GNPNAT1: variants seen among roughly 807,000 people sequenced by gnomAD.
GNPNAT1 encodes glucosamine 6-phosphate N-acetyltransferase.
A neutral mutation model predicts 19.8 loss-of-function variants in GNPNAT1; 11 were observed. The observed-to-expected ratio is 0.56, with a 90% confidence interval of 0.35 to 0.92. The LOEUF (loss-of-function observed/expected upper bound fraction) is 0.92, where lower values mean the gene tolerates loss of function less well. GNPNAT1 is among the 40% of genes least tolerant of loss of function. The pLI, the probability that GNPNAT1 is intolerant of heterozygous loss-of-function variation, is 0.01. For synonymous variants in GNPNAT1, 71 were observed against 72.3 expected (o/e 0.98, Z 0.09); for missense variants, 157 against 211.0 (o/e 0.74, Z 1.59).
chr14:52,783,379 T>C (rs549281016), intron 3 of GNPNAT1, 44 bp downstream of exon 3: 1 of 1,305,758 alleles, frequency 7.7e-7, no homozygotes, highest in Admixed American at 1.9e-5. Context: ...AAAAATGAAA[T>C]CATGTTTCCC....
rs1882788132 is a variant in GNPNAT1, at chr14:52,778,276, G to C, written c.*35C>G. Reference sequence around the variant, plus strand: ...ACTCTAGGAAGAGTGTAGCCTTGTAGCATTAGCCCCTTTGACAATTTTCTT... The same window carrying C: ...ACTCTAGGAAGAGTGTAGCCTTGTACCATTAGCCCCTTTGACAATTTTCTT... On this transcript the variant is annotated 3_prime_UTR_variant, in exon 6 of 6. Transcript: ENST00000216410. 3.9e-6 allele frequency: 6 copies of C among 1,520,350 alleles called. No individual in the cohort carries two copies. The highest frequency in any genetic ancestry group is 5.3e-6 in the Non-Finnish European group (6 of 1,124,880). The allele number at this position is 1,520,350 out of a possible 1,614,324, so 94.2% of individuals were successfully genotyped here. A position where few individuals can be genotyped will look rare whatever the true frequency, so the allele number is the denominator to read the frequency against.
At position 52,781,880 on chromosome 14, in the gene GNPNAT1, ATCCC is replaced by A; in HGVS notation, c.245_248del (p.Gly82ValfsTer7). 4.4e-6 allele frequency: 7 copies of A among 1,608,702 alleles called. No individual in the cohort carries two copies. The highest frequency in any genetic ancestry group is 4.2e-6 in the Non-Finnish European group (5 of 1,177,860). On this transcript the variant is annotated frameshift_variant, in exon 4 of 6. Coordinates refer to ENST00000216410, the MANE Select transcript of GNPNAT1 (RefSeq NM_198066.4). LOFTEE classifies it high-confidence loss of function. Reference sequence around the variant, plus strand: ...CATCTTCTACAACTGTAACATAATAATCCCCAGATTTCTTCATATGCTCAAAAGA... The same window carrying A: ...CATCTTCTACAACTGTAACATAATAACAGATTTCTTCATATGCTCAAAAGA...
At position 52,786,487 on chromosome 14, in the gene GNPNAT1, A is replaced by G. The variant is rs537741166; in HGVS notation, c.-14-1823T>C. ...CCATTGCGTTCCAGCCTGGGCAACA[A>G]GAGTGAAACTCCGTCTCAAAAAAAT... On this transcript the variant is annotated intron_variant, in intron 1 of 5. Transcript: ENST00000216410. 2.6e-5 allele frequency among the ~76,000 whole-genome samples: 4 copies of G among 152,108 alleles called. No homozygotes were observed. The East Asian group carries it at 5.9e-4, about 22-fold the overall frequency.
In GNPNAT1 at chr14:52,784,378, C is replaced by CT. The variant is rs372004794; in HGVS notation, c.154+118dup. ...TATTGAGTGTCCATCACTTTAAAAA[C>CT]TAAGTATTATACAAAAAATAGTCCA... On this transcript the variant is annotated intron_variant, in intron 2 of 5. Transcript: ENST00000216410. The CT allele has an allele frequency of 5.7e-4, 392 of 688,618 alleles. 6 individuals are homozygous for CT. In the East Asian group the frequency reaches 9.5e-3, roughly 17 times the overall value. The allele number at this position is 688,618 out of a possible 1,614,324, so 42.7% of individuals were successfully genotyped here. A position where few individuals can be genotyped will look rare whatever the true frequency, so the allele number is the denominator to read the frequency against.
intron 4 of GNPNAT1, 145 bp downstream of exon 4, chr14:52,781,639 C>T: frequency 1.5e-6 from 1 of 673,690 alleles, no homozygotes; most frequent in Non-Finnish European, 2.4e-6. Context: ...TATACATTTT[C>T]TTTCTTAAAG....
At position 52,783,464 on chromosome 14, in the gene GNPNAT1, T is replaced by C; in HGVS notation, c.176A>G (p.Gln59Arg). The change falls in exon 3 of 6, where the codon CAG (glutamine) becomes CGG (arginine). Residue 59 changes from glutamine (Q) to arginine (R), a missense_variant. Physicochemically the swap from Gln to Arg is conservative, Grantham distance 43. Transcript: ENST00000216410. ...LNRGFFKVLG[Q>R]LTETGVVSPE... ...GCTGACAACTCCAGTCTCTGTTAGC[T>C]GACCCAATACCTTAAAAAAACCTAG... The C allele has an allele frequency of 2.5e-6, 4 of 1,610,566 alleles. No homozygotes were observed. Among genetic ancestry groups the C allele is most frequent in the Non-Finnish European group, 3.4e-6 (4 of 1,177,012 alleles).
rs191604495 is a variant in GNPNAT1, at chr14:52,779,927, C to T, written c.407+752G>A. On this transcript the variant is annotated intron_variant, in intron 5 of 5. Coordinates refer to ENST00000216410, the MANE Select transcript of GNPNAT1 (RefSeq NM_198066.4). ...TTGGGCCAGGCACAGTGGCTCCCAC[C>T]TGTAATCCCAGCACTTTGGGAGGCC... Among the ~76,000 whole-genome samples the T allele has an allele frequency of 3.8e-4, 58 of 152,128 alleles. 1 individual carries two copies. In the East Asian group the frequency reaches 5.8e-3, roughly 15 times the overall value.
rs768405706 is a variant in GNPNAT1 at position 52,784,592 on chromosome 14, C to T, written c.59G>A (p.Ser20Asn). 13 of 1,604,214 alleles carry T rather than the reference C, an allele frequency of 8.1e-6. No homozygotes were observed. In the Admixed American group the frequency reaches 8.5e-5, roughly 10 times the overall value. The change falls in exon 2 of 6, where the codon AGT (serine) becomes AAT (asparagine). Residue 20 changes from serine to asparagine, a missense_variant. By Grantham distance (46) the Ser-to-Asn change is conservative. Transcript: ENST00000216410. ...DPSLLKEVDW[S>N]QNTATFSPAI... The stretch of plus-strand genomic sequence containing the variant: ...TGGAGAAAATGTAGCTGTATTCTGA[C>T]TCCAGTCCACTTCTTTGAGTAGACT...
chr14:52,790,227 G>A (rs1026453579), intron 1 of GNPNAT1, among the ~76,000 whole-genome samples: 1 of 152,124 alleles, frequency 6.6e-6, no homozygotes, highest in African/African-American at 2.4e-5. Context: ...CACCGGAGAT[G>A]AAGATTTTAA....
chr14:52,784,987 G>A (rs955907467), intron 1 of GNPNAT1, among the ~76,000 whole-genome samples: 3 of 148,252 alleles, frequency 2.0e-5, no homozygotes, highest in Non-Finnish European at 3.0e-5. Flanking sequence ...GTGCAGAGGC[G>A]TGATCCCGGC....
intron 1 of GNPNAT1, 35 bp from the exon 2 acceptor site, chr14:52,784,699 T>C: frequency 1.1e-6 from 1 of 871,748 alleles, no homozygotes. Flanking sequence ...GTCACTTTAT[T>C]TAATAGAAGG....
intron 1 of GNPNAT1, chr14:52,787,897 C>G (rs560512600): frequency 4.0e-5 from 6 of 151,868 alleles, no homozygotes; most frequent in South Asian, 4.2e-4. Context: ...CAGGCTCTTA[C>G]GTTTATGTTA....
intron 3 of GNPNAT1, among the ~76,000 whole-genome samples, chr14:52,783,052 C>T (rs1882930537): frequency 6.6e-6 from 1 of 151,924 alleles, no homozygotes; most frequent in Non-Finnish European, 1.5e-5. Flanking sequence ...AACTTCAATA[C>T]AAATAAACCC....
chr14:52,788,790 A>C (rs1883082207), intron 1 of GNPNAT1, among the ~76,000 whole-genome samples: 2 of 152,212 alleles, frequency 1.3e-5, no homozygotes, highest in South Asian at 4.1e-4. Flanking sequence ...TGGTCTAGAA[A>C]ACATGAAAAA....
chr14:52,778,564 C>T, intron 5 of GNPNAT1, 106 bp from the exon 6 acceptor site: 3 of 994,490 alleles, frequency 3.0e-6, no homozygotes, highest in Non-Finnish European at 4.4e-6. Context: ...TCCTTAGAAA[C>T]AGGTTTAGAT....
rs923425031 is a variant in GNPNAT1, at chr14:52,776,215, A to G, written c.*2096T>C. 2.0e-5 allele frequency: 3 copies of G among 152,132 alleles called. No individual in the cohort carries two copies. The highest frequency in any genetic ancestry group is 7.2e-5 in the African/African-American group (3 of 41,422). 9.4% of individuals were successfully genotyped at this position (152,132 alleles called of 1,614,324 possible). A position where few individuals can be genotyped will look rare whatever the true frequency, so the allele number is the denominator to read the frequency against. On this transcript the variant is annotated 3_prime_UTR_variant, in exon 6 of 6. Transcript: ENST00000216410. ...GCTATCTATTGTGGGTACACTGCCT[A>G]TGGGGTAGTCCTGCTCCACAAGGAG... is the stretch of plus-strand genomic sequence containing the variant.
At chr14:52,787,691 T>C (rs1488413787) in intron 1 of GNPNAT1, 1 of 152,138 alleles carries the variant, frequency 6.6e-6, no homozygotes, top group Non-Finnish European at 1.5e-5. Context: ...GGAGATGAAA[T>C]TACTGGGAGA....
In GNPNAT1 at chr14:52,776,243, G is replaced by C. The variant is rs1200520804; in HGVS notation, c.*2068C>G. The C allele has an allele frequency of 6.6e-6, 1 of 151,670 alleles. No homozygotes were observed. Among genetic ancestry groups the C allele is most frequent in the Non-Finnish European group, 1.5e-5 (1 of 67,910 alleles). The allele number at this position is 151,670 out of a possible 1,614,324, so 9.4% of individuals were successfully genotyped here. A position where few individuals can be genotyped will look rare whatever the true frequency, so the allele number is the denominator to read the frequency against. ...GGGTAGTCCTGCTCCACAAGGAGCA[G>C]TTTTTAAAAAAAAAAAGTTTAAGAA... On this transcript the variant is annotated 3_prime_UTR_variant, in exon 6 of 6. Coordinates refer to ENST00000216410, the MANE Select transcript of GNPNAT1 (RefSeq NM_198066.4).
chr14:52,780,261 G>A (rs1019858556), intron 5 of GNPNAT1, among the ~76,000 whole-genome samples: 3 of 152,120 alleles, frequency 2.0e-5, no homozygotes, highest in Non-Finnish European at 4.4e-5. Flanking sequence ...TATTTTAAAT[G>A]ATTTAGATAT....
Sources: allele counts gnomAD v4.1 joint callset (sites outside exome capture counted in the v4.1 genomes callset), GRCh38; gene constraint gnomAD v4.1.1; transcripts MANE v1.5; gene names NCBI Gene and HGNC (gene_info 2026-07-23, HGNC 2026-07-21).